The following CDKN2B-AS1 variants were observed in gnomAD, a reference collection of about 807,000 sequenced individuals.
The protein encoded by CDKN2B-AS1 is CDKN2B antisense RNA 1 (non-protein coding).
intron 1 of CDKN2B-AS1, among the ~76,000 whole-genome samples, chr9:22,011,129 C>T (rs1340630813): frequency 6.6e-6 from 1 of 152,200 alleles, no homozygotes; most frequent in African/African-American, 2.4e-5. Flanking sequence ...TTTGCTTATA[C>T]TCAGGCCTGG....
At chr9:22,048,914 G>T (rs980293024) in intron 2 of CDKN2B-AS1, among the ~76,000 whole-genome samples, 4 of 152,178 alleles carry the variant, frequency 2.6e-5, no homozygotes, top group South Asian at 2.1e-4. Flanking sequence ...CTTAGGGATA[G>T]TGTGAGACAA....
chr9:22,092,802 GT>G (rs1428388942), intron 4 of CDKN2B-AS1, among the ~76,000 whole-genome samples: 1 of 151,994 alleles, frequency 6.6e-6, no homozygotes, highest in Non-Finnish European at 1.5e-5. Context: ...TTTTTGGAGG[GT>G]TTTTTGTGTC....
intron 4 of CDKN2B-AS1, among the ~76,000 whole-genome samples, chr9:22,126,409 C>A (rs919186812): frequency 6.6e-6 from 1 of 151,782 alleles, no homozygotes; most frequent in Non-Finnish European, 1.5e-5. Flanking sequence ...TGTATGTATT[C>A]TTTTCAAAAT....
chr9:22,075,411 A>G (rs910692746), intron 4 of CDKN2B-AS1, among the ~76,000 whole-genome samples: 5 of 152,204 alleles, frequency 3.3e-5, no homozygotes, highest in African/African-American at 1.2e-4. Context: ...CAAAGCAGAG[A>G]GGACTTTGAG....
At chr9:22,074,885 A>G (rs1430461201) in intron 4 of CDKN2B-AS1, among the ~76,000 whole-genome samples, 1 of 152,188 alleles carries the variant, frequency 6.6e-6, no homozygotes. Flanking sequence ...TAGACTTCCA[A>G]CTGGTCTGCT....
chr9:22,020,465 A>G (rs893770966), intron 1 of CDKN2B-AS1, among the ~76,000 whole-genome samples: 8 of 152,178 alleles, frequency 5.3e-5, no homozygotes, highest in Non-Finnish European at 8.8e-5. Flanking sequence ...AGTCCCCCAC[A>G]ATGGTTGAAC....
chr9:22,064,701 G>C (rs1007620603), intron 4 of CDKN2B-AS1, among the ~76,000 whole-genome samples: 1 of 152,120 alleles, frequency 6.6e-6, no homozygotes, highest in African/African-American at 2.4e-5. Context: ...GGGTCTTGAG[G>C]ATCTGAACAT....
chr9:22,124,611 C>A (rs965587679), intron 4 of CDKN2B-AS1, among the ~76,000 whole-genome samples: 61 of 152,264 alleles, frequency 4.0e-4, no homozygotes, highest in African/African-American at 1.4e-3. Context: ...CATCACTTAA[C>A]CTCTATTTTT....
intron 4 of CDKN2B-AS1, among the ~76,000 whole-genome samples, chr9:22,104,707 C>T (rs1368469922): frequency 6.6e-6 from 1 of 152,128 alleles, no homozygotes; most frequent in Non-Finnish European, 1.5e-5. Context: ...TGTTCATTTA[C>T]TTATTTAATA....
chr9:22,088,289 A>T (rs1482805052), intron 4 of CDKN2B-AS1, among the ~76,000 whole-genome samples: 2 of 152,198 alleles, frequency 1.3e-5, no homozygotes, highest in African/African-American at 4.8e-5. Context: ...ATTATACTTG[A>T]TATTGAAGCA....
At chr9:22,127,547 A>G (rs991090512) in exon 5 of CDKN2B-AS1, among the ~76,000 whole-genome samples, 7 of 152,186 alleles carry the variant, frequency 4.6e-5, no homozygotes, top group Admixed American at 2.0e-4. Context: ...ATTGTTTAAC[A>G]GAGAAGGATG....
intron 4 of CDKN2B-AS1, among the ~76,000 whole-genome samples, chr9:22,109,338 G>A (rs753648362): frequency 6.6e-6 from 1 of 152,154 alleles, no homozygotes; most frequent in South Asian, 2.1e-4. Context: ...GAGGGGATTC[G>A]TCTGTACAGA....
At chr9:22,057,534 T>G (rs1467445212) in intron 4 of CDKN2B-AS1, among the ~76,000 whole-genome samples, 1 of 152,150 alleles carries the variant, frequency 6.6e-6, no homozygotes, top group African/African-American at 2.4e-5. Context: ...ATTGGCCAGG[T>G]GTGGTGGCTC....
chr9:22,045,631 G>A (rs1823077724), intron 1 of CDKN2B-AS1, among the ~76,000 whole-genome samples: 1 of 152,096 alleles, frequency 6.6e-6, no homozygotes, highest in African/African-American at 2.4e-5. Context: ...GGTGCTGATG[G>A]AGGAAGTGGT....
intron 1 of CDKN2B-AS1, among the ~76,000 whole-genome samples, chr9:22,036,658 A>T (rs1055943621): frequency 6.6e-6 from 1 of 152,090 alleles, no homozygotes; most frequent in African/African-American, 2.4e-5. Flanking sequence ...TTGCCTTCTA[A>T]TGTCAAAGTT....
intron 4 of CDKN2B-AS1, among the ~76,000 whole-genome samples, chr9:22,076,752 G>A (rs1824508984): frequency 6.6e-6 from 1 of 152,088 alleles, no homozygotes; most frequent in Non-Finnish European, 1.5e-5. Context: ...GAGTGCAGTG[G>A]CGCAATCTTG....
rs1328728285 is a variant in CDKN2B-AS1 at position 22,006,000 on chromosome 9, G to T, written n.29+10839G>T. ...GGGAACCTGGCGTCAGTCCCCCGTG[G>T]CTGTGCGCAGGTACCCTGCAACGTC... On this transcript the variant is annotated intron_variant and non_coding_transcript_variant, in intron 1 of 4. Coordinates refer to ENST00000650946, the Ensembl canonical transcript of CDKN2B-AS1. This position sits in a 1 kb window ranked among gnomAD's most constrained non-coding sequence, Gnocchi z 4.9. The T allele has an allele frequency of 6.2e-7, 1 of 1,602,796 alleles. No homozygotes were observed. Among genetic ancestry groups the T allele is most frequent in the African/African-American group, 1.3e-5 (1 of 75,058 alleles).
At position 22,084,939 on chromosome 9, in the gene CDKN2B-AS1, A is replaced by G. The variant is rs116258603; in HGVS notation, n.438+28552A>G. Among the ~76,000 whole-genome samples, 445 of 152,312 alleles carry G rather than the reference A, an allele frequency of 2.9e-3. 3 individuals carry two copies. The highest frequency in any genetic ancestry group is 0.01 in the African/African-American group (431 of 41,558). On this transcript the variant is annotated intron_variant and non_coding_transcript_variant, in intron 4 of 4. Transcript: ENST00000650946. ...AGCTGTAATATGATACTTAATCTCC[A>G]TAAGTGACAGATATCTAAGATAACA...
chr9:22,098,570 A>G (rs1180247448), intron 4 of CDKN2B-AS1, among the ~76,000 whole-genome samples: 2 of 152,180 alleles, frequency 1.3e-5, no homozygotes, highest in Non-Finnish European at 2.9e-5. Flanking sequence ...AATGCATTCT[A>G]TAGCACAGGA....
Sources: gnomAD v4.1 joint callset for allele counts (sites outside exome capture counted in the v4.1 genomes callset) on GRCh38, gnomAD v4.1.1 for gene constraint, Gnocchi (gnomAD v3.1) non-coding constraint, MANE v1.5 for transcripts, NCBI Gene and HGNC (gene_info 2026-07-23, HGNC 2026-07-21) for gene names.